PIEZO2: variants seen among roughly 807,000 people sequenced by gnomAD.
PIEZO2 encodes piezo-type mechanosensitive ion channel component 2.
In PIEZO2, 172 loss-of-function variants were observed where a neutral mutation model predicts 337.3. The ratio of observed to expected loss-of-function variants is 0.51; its 90% CI spans 0.45 to 0.58. The LOEUF (loss-of-function observed/expected upper bound fraction) is 0.58. Ranked by LOEUF, PIEZO2 falls within the 20% of genes least tolerant of loss-of-function variation. The pLI, the probability that PIEZO2 is intolerant of heterozygous loss-of-function variation, is 0.00. For missense variants in PIEZO2, 3,028 were observed against 3,391.3 expected (o/e 0.89, Z 2.66); for synonymous variants, 1,251 against 1,228.5 (o/e 1.02, Z -0.38).
In PIEZO2 at chr18:11,101,319, G is replaced by A. The variant is rs751731665; in HGVS notation, c.65-35097C>T. ...AATCCTGAGGCCTCGAGTGCTGCAC[G>A]TGGGTCCCCACGCACCACTTGCTGG... is the stretch of plus-strand genomic sequence containing the variant. On this transcript the variant is annotated intron_variant, in intron 1 of 55. Coordinates refer to ENST00000674853, the MANE Select transcript of PIEZO2 (RefSeq NM_001378183.1). The surrounding 1 kb of genome is among the most constrained non-coding windows in gnomAD (Gnocchi z 4.4). Among the ~76,000 whole-genome samples, 2 of 152,222 alleles carry A rather than the reference G, an allele frequency of 1.3e-5. No homozygotes were observed. Among genetic ancestry groups the A allele is most frequent in the Non-Finnish European group, 2.9e-5 (2 of 68,048 alleles).
intron 1 of PIEZO2, among the ~76,000 whole-genome samples, chr18:11,144,311 C>T (rs2040751702): frequency 6.6e-6 from 1 of 152,098 alleles, no homozygotes; most frequent in Non-Finnish European, 1.5e-5. Context: ...CATTTCTGAA[C>T]TTGATAAATA....
At chr18:10,718,104 G>T (rs548469904) in intron 37 of PIEZO2, 96 bp downstream of exon 37, 4 of 1,068,972 alleles carry the variant, frequency 3.7e-6, no homozygotes, top group Non-Finnish European at 5.5e-6. Context: ...AACAGTGTTC[G>T]ATTCACAATT....
chr18:10,975,246 A>G (rs1400601967), intron 3 of PIEZO2, among the ~76,000 whole-genome samples: 15 of 152,258 alleles, frequency 9.9e-5, no homozygotes, highest in Admixed American at 9.8e-4. Context: ...ACTGGCCTTC[A>G]AATTTCACTA....
Position 10,823,206 on chromosome 18 carries a change from T to C in PIEZO2, c.918-15932A>G, listed in dbSNP as rs193252686. Among the ~76,000 whole-genome samples, 370 of 148,614 alleles carry C rather than the reference T, an allele frequency of 2.5e-3. 3 individuals are homozygous for C. Among genetic ancestry groups the C allele is most frequent in the Middle Eastern group, 3.6e-3 (1 of 280 alleles). ...CTTTTTAGACAGAAAAGATTCTTTT[T>C]ATTTATGTATTAACATTTTTGTTTT... On this transcript the variant is annotated intron_variant, in intron 7 of 55. Transcript: ENST00000674853.
At chr18:10,678,311 C>T (rs1449608518) in intron 52 of PIEZO2, among the ~76,000 whole-genome samples, 2 of 152,088 alleles carry the variant, frequency 1.3e-5, no homozygotes, top group Non-Finnish European at 2.9e-5. Context: ...TTTTTAGTAG[C>T]TCTTTAAAGA....
At chr18:10,791,401 T>C (rs1318536523) in intron 13 of PIEZO2, 77 bp from the exon 14 acceptor site, 3 of 1,373,292 alleles carry the variant, frequency 2.2e-6, no homozygotes, top group Admixed American at 3.0e-5. Context: ...TGTAACATTT[T>C]CTCCGCATTC....
rs2036469281 is a variant in PIEZO2 at position 10,724,925 on chromosome 18, G to C, written c.5029+6482C>G. 1.2e-6 allele frequency: 2 copies of C among 1,605,806 alleles called. No homozygotes were observed. The highest frequency in any genetic ancestry group is 1.1e-5 in the South Asian group (1 of 90,470). On this transcript the variant is annotated intron_variant, in intron 36 of 55. Transcript: ENST00000674853. The surrounding 1 kb of genome is among the most constrained non-coding windows in gnomAD (Gnocchi z 5.8). ...GGCACCCTGGGACAGCCTCCACCTGGACGGCGATGGAACCCAGGTGGGCGC... is the reference window on the plus strand; with the variant it reads ...GGCACCCTGGGACAGCCTCCACCTGCACGGCGATGGAACCCAGGTGGGCGC...
Position 10,714,949 on chromosome 18 carries a change from T to C in PIEZO2, c.5257-19A>G. 1 of 1,535,858 alleles carries C rather than the reference T, an allele frequency of 6.5e-7. No individual in the cohort carries two copies. The highest frequency in any genetic ancestry group is 8.7e-7 in the Non-Finnish European group (1 of 1,146,012). Reference sequence around the variant, plus strand: ...CATTGCCCTGAGGAGAATGAGACATTGCCACAGTTCTTATGGAGGCATCTA... The same window carrying C: ...CATTGCCCTGAGGAGAATGAGACATCGCCACAGTTCTTATGGAGGCATCTA... On this transcript the variant is annotated intron_variant, in intron 38 of 55. Transcript: ENST00000674853.
At position 10,964,173 on chromosome 18, in the gene PIEZO2, GATTA is replaced by G. The variant is rs370803822; in HGVS notation, c.286+15358_286+15361del. ...AAATAATTTCCACATTAATTAAAGT[GATTA>G]ATTAATTAAAGTGATTAATTAACCT... On this transcript the variant is annotated intron_variant, in intron 3 of 55. Transcript: ENST00000674853. Among the ~76,000 whole-genome samples the G allele has an allele frequency of 1.8e-4, 28 of 152,040 alleles. No homozygotes were observed. In the South Asian group the frequency reaches 2.3e-3, roughly 12 times the overall value.
chr18:10,829,401 G>A (rs1463179192), intron 7 of PIEZO2, among the ~76,000 whole-genome samples: 1 of 152,122 alleles, frequency 6.6e-6, no homozygotes, highest in African/African-American at 2.4e-5. Context: ...ACAAGACAAG[G>A]ATGCCCACAT....
intron 7 of PIEZO2, among the ~76,000 whole-genome samples, chr18:10,840,718 T>C (rs1359173693): frequency 6.6e-6 from 1 of 152,228 alleles, no homozygotes; most frequent in Non-Finnish European, 1.5e-5. Context: ...TTAACAGGCA[T>C]TCTACATAAA....
chr18:10,731,551 G>T, intron 35 of PIEZO2, 30 bp from the exon 36 acceptor site: 1 of 1,396,972 alleles, frequency 7.2e-7, no homozygotes, highest in Non-Finnish European at 9.5e-7. Flanking sequence ...TTATTTTCTG[G>T]CCTTTTAATA....
At chr18:10,956,827 G>A (rs1008856813) in intron 3 of PIEZO2, among the ~76,000 whole-genome samples, 3 of 152,016 alleles carry the variant, frequency 2.0e-5, no homozygotes, top group African/African-American at 7.2e-5. Flanking sequence ...AAATTAGCCA[G>A]GCGTGGTGGT....
intron 49 of PIEZO2, among the ~76,000 whole-genome samples, chr18:10,689,025 A>T (rs1371718549): frequency 6.6e-6 from 1 of 152,232 alleles, no homozygotes; most frequent in Non-Finnish European, 1.5e-5. Flanking sequence ...CAGGAATCAT[A>T]CAGAGGAGCC....
At chr18:10,797,344 A>ATCG in intron 12 of PIEZO2, 30 bp downstream of exon 12, 1 of 1,435,862 alleles carries the variant, frequency 7.0e-7, no homozygotes, top group Non-Finnish European at 9.5e-7. Flanking sequence ...TATACATATC[A>ATCG]TATTATACCT....
chr18:10,962,062 G>A lies in PIEZO2; in HGVS notation c.286+17473C>T, dbSNP rs527251511. 2.6e-5 allele frequency among the ~76,000 whole-genome samples: 4 copies of A among 151,554 alleles called. No individual in the cohort carries two copies. Among genetic ancestry groups the A allele is most frequent in the Non-Finnish European group, 5.9e-5 (4 of 68,030 alleles). ...GAAATGCACCACTGATTCTCGCAAC[G>A]TTCAGTTTTTTTTTCCAAGCAGACT... is the stretch of plus-strand genomic sequence containing the variant. On this transcript the variant is annotated intron_variant, in intron 3 of 55. Coordinates refer to ENST00000674853, the MANE Select transcript of PIEZO2 (RefSeq NM_001378183.1). The surrounding 1 kb of genome is among the most constrained non-coding windows in gnomAD (Gnocchi z 4.1).
At chr18:10,699,298 G>C in intron 43 of PIEZO2, 121 bp from the exon 44 acceptor site, 2 of 1,332,716 alleles carry the variant, frequency 1.5e-6, no homozygotes, top group East Asian at 5.0e-5. Context: ...AGATGATATG[G>C]TTTGGCTGTG....
Position 10,748,704 on chromosome 18 carries a change from T to C in PIEZO2, c.4265-74A>G. ...TTGTAATTTTATAAAATCTGAGGTA[T>C]GGTCAGGCTTGGGAAATATAGGCAT... On this transcript the variant is annotated intron_variant, in intron 29 of 55. Transcript: ENST00000674853. This position sits in a 1 kb window ranked among gnomAD's most constrained non-coding sequence, Gnocchi z 5.1. 2 of 1,327,916 alleles carry C rather than the reference T, an allele frequency of 1.5e-6. No homozygotes were observed. The highest frequency in any genetic ancestry group is 2.0e-6 in the Non-Finnish European group (2 of 1,009,380). The allele number at this position is 1,327,916 out of a possible 1,614,324, so 82.3% of individuals were successfully genotyped here.
intron 32 of PIEZO2, among the ~76,000 whole-genome samples, chr18:10,741,656 T>A (rs964062663): frequency 6.6e-6 from 1 of 152,220 alleles, no homozygotes; most frequent in Admixed American, 6.5e-5. Flanking sequence ...TAAACTTTAA[T>A]TTGATATAAT....
Sources: allele counts gnomAD v4.1 joint callset (sites outside exome capture counted in the v4.1 genomes callset), GRCh38; gene constraint gnomAD v4.1.1; non-coding constraint Gnocchi (gnomAD v3.1); transcripts MANE v1.5; gene names NCBI Gene and HGNC (gene_info 2026-07-23, HGNC 2026-07-21).